The following ADAMTS2 variants were observed in gnomAD, a reference collection of about 807,000 sequenced individuals.
ADAMTS2 encodes A disintegrin and metalloproteinase with thrombospondin motifs 2.
Under a neutral mutation model 123.0 loss-of-function variants are expected in ADAMTS2, and 50 were observed. The ratio of observed to expected loss-of-function variants is 0.41; its 90% CI spans 0.32 to 0.51. The LOEUF (loss-of-function observed/expected upper bound fraction) is 0.51, where lower values mean the gene tolerates loss of function less well. Among genes scored for constraint, ADAMTS2 ranks in the 20% least tolerant of loss-of-function variants. The pLI is 0.35. For synonymous variants in ADAMTS2, 678 were observed against 695.4 expected, an observed-to-expected ratio of 0.98 and a Z score of 0.39; for missense variants, 1,494 against 1,705.2, an observed-to-expected ratio of 0.88 and a Z score of 2.18.
chr5:179,207,474 C>CCA, intron 4 of ADAMTS2, 39 bp downstream of exon 4: 21 of 927,304 alleles, frequency 2.3e-5, no homozygotes, highest in East Asian at 1.0e-4. Context: ...CTGGTTGACC[C>CCA]TCCCCGCCCC....
chr5:179,322,811 C>T (rs1330664144), intron 2 of ADAMTS2, among the ~76,000 whole-genome samples: 2 of 152,344 alleles, frequency 1.3e-5, no homozygotes, highest in Non-Finnish European at 1.5e-5. Context: ...CGGGGCCTGA[C>T]GGTACCAGGG....
In ADAMTS2 at chr5:179,127,946, G is replaced by C; in HGVS notation, c.2617+13C>G. 2 of 1,613,110 alleles carry C rather than the reference G, an allele frequency of 1.2e-6. No individual in the cohort carries two copies. Among genetic ancestry groups the C allele is most frequent in the Non-Finnish European group, 1.7e-6 (2 of 1,179,978 alleles). Reference sequence around the variant, plus strand: ...TCATGTCACCCAGGTCCCCAGCTTCGAGACCCCCTCACCTCCGCCACAGGG... The same window carrying C: ...TCATGTCACCCAGGTCCCCAGCTTCCAGACCCCCTCACCTCCGCCACAGGG... On this transcript the variant is annotated intron_variant, in intron 17 of 21. Coordinates refer to ENST00000251582, the MANE Select transcript of ADAMTS2 (RefSeq NM_014244.5).
At chr5:179,268,947 G>A (rs1166503714) in intron 3 of ADAMTS2, among the ~76,000 whole-genome samples, 2 of 152,254 alleles carry the variant, frequency 1.3e-5, no homozygotes, top group Non-Finnish European at 2.9e-5. Context: ...TGCAACCTGA[G>A]ACGGGTACCT....
chr5:179,261,680 C>T (rs182758317), intron 3 of ADAMTS2, among the ~76,000 whole-genome samples: 164 of 152,310 alleles, frequency 1.1e-3, no homozygotes, highest in African/African-American at 3.7e-3. Flanking sequence ...GCGCTGCCTG[C>T]GGCCCCTTGG....
At chr5:179,253,821 C>T (rs980603285) in intron 3 of ADAMTS2, among the ~76,000 whole-genome samples, 3 of 152,160 alleles carry the variant, frequency 2.0e-5, no homozygotes, top group Admixed American at 6.5e-5. Context: ...AGAGGTGACA[C>T]GCCATGTCCA....
intron 3 of ADAMTS2, among the ~76,000 whole-genome samples, chr5:179,229,894 C>T (rs571036602): frequency 4.6e-5 from 7 of 152,284 alleles, no homozygotes; most frequent in South Asian, 2.1e-4. Flanking sequence ...GTCAGCTGGC[C>T]GGACAGGCCT....
chr5:179,195,919 G>T (rs760738046), intron 4 of ADAMTS2, among the ~76,000 whole-genome samples: 13 of 152,192 alleles, frequency 8.5e-5, no homozygotes, highest in Non-Finnish European at 1.9e-4. Flanking sequence ...CAGTTTCAGA[G>T]ATGTTCTTCT....
Position 179,303,533 on chromosome 5 carries a change from G to A in ADAMTS2, c.535-30469C>T, listed in dbSNP as rs1018212224. Among the ~76,000 whole-genome samples the A allele has an allele frequency of 1.3e-5, 2 of 152,218 alleles. No homozygotes were observed. Among genetic ancestry groups the A allele is most frequent in the African/African-American group, 4.8e-5 (2 of 41,450 alleles). On this transcript the variant is annotated intron_variant, in intron 2 of 21. Transcript: ENST00000251582. The surrounding 1 kb of genome is among the most constrained non-coding windows in gnomAD (Gnocchi z 4.7). ...AAGGCAGGTCAAACTCCAGAAGCGG[G>A]CACTGGGTACAGACAGACAGAGCTC...
intron 10 of ADAMTS2, among the ~76,000 whole-genome samples, chr5:179,141,146 AC>A (rs1321704136): frequency 6.6e-6 from 1 of 152,028 alleles, no homozygotes; most frequent in East Asian, 1.9e-4. Context: ...TCTTTGTATG[AC>A]CTAATTTTGT....
chr5:179,329,121 A>C (rs944111718), intron 2 of ADAMTS2, among the ~76,000 whole-genome samples: 5 of 152,098 alleles, frequency 3.3e-5, no homozygotes, highest in African/African-American at 9.7e-5. Flanking sequence ...AGGTCAGGAG[A>C]TGGAGACCAT....
At chr5:179,283,751 CGTGG>C (rs1373713264) in intron 2 of ADAMTS2, among the ~76,000 whole-genome samples, 3 of 151,186 alleles carry the variant, frequency 2.0e-5, no homozygotes, top group East Asian at 3.9e-4. Flanking sequence ...ATTAGCCAGA[CGTGG>C]TGGTGCACAC....
intron 3 of ADAMTS2, among the ~76,000 whole-genome samples, chr5:179,237,893 G>C (rs1031328649): frequency 1.3e-5 from 2 of 152,180 alleles, no homozygotes; most frequent in African/African-American, 4.8e-5. Context: ...AAGCTGAAGA[G>C]TCCCAGGCAG....
rs60626964 is a variant in ADAMTS2, at chr5:179,326,201, CGTGTGT to C, written c.534+17560_534+17565del. ...GGTGGAGAAATGGCGTTTGTGTGTG[CGTGTGT>C]GTGTGTGTGTGTGTGTGTGTGTGTC... On this transcript the variant is annotated intron_variant, in intron 2 of 21. Transcript: ENST00000251582. Among the ~76,000 whole-genome samples, 214 of 148,672 alleles carry C rather than the reference CGTGTGT, an allele frequency of 1.4e-3. 1 individual carries two copies. Among genetic ancestry groups the C allele is most frequent in the East Asian group, 3.2e-3 (16 of 4,974 alleles).
In ADAMTS2 at chr5:179,128,322, T is replaced by TG. The variant is rs369008027; in HGVS notation, c.2458-205dup. ...ACAGGGTGAGGTTCCTGTGAGCCTCTGTCTCAACATTTTTGTTACCCGATC... is the reference window on the plus strand; with the variant it reads ...ACAGGGTGAGGTTCCTGTGAGCCTCTGGTCTCAACATTTTTGTTACCCGATC... On this transcript the variant is annotated intron_variant, in intron 16 of 21. Transcript: ENST00000251582. This position sits in a 1 kb window ranked among gnomAD's most constrained non-coding sequence, Gnocchi z 4.9. 4.2e-3 allele frequency among the ~76,000 whole-genome samples: 641 copies of TG among 152,336 alleles called. 2 individuals carry two copies. The highest frequency in any genetic ancestry group is 0.015 in the African/African-American group (610 of 41,580).
At chr5:179,261,570 T>C (rs1350640152) in intron 3 of ADAMTS2, among the ~76,000 whole-genome samples, 2 of 152,190 alleles carry the variant, frequency 1.3e-5, no homozygotes, top group African/African-American at 4.8e-5. Context: ...TGAGGTCAGC[T>C]CCCAGGATGT....
chr5:179,154,028 G>C (rs781655757), intron 8 of ADAMTS2, 21 bp downstream of exon 8: 3 of 1,590,610 alleles, frequency 1.9e-6, no homozygotes, highest in Non-Finnish European at 2.6e-6. Context: ...GTCGCCCACG[G>C]GGCACATGGG....
intron 1 of ADAMTS2, 144 bp from the exon 2 acceptor site, chr5:179,344,305 C>T: frequency 9.0e-7 from 1 of 1,116,768 alleles, no homozygotes; most frequent in Non-Finnish European, 1.3e-6. Context: ...AGCCAGCCTG[C>T]ACCTCCCCGG....
intron 3 of ADAMTS2, among the ~76,000 whole-genome samples, chr5:179,236,625 C>T (rs2113441571): frequency 6.6e-6 from 1 of 152,250 alleles, no homozygotes; most frequent in South Asian, 2.1e-4. Flanking sequence ...ACCCTGTCTC[C>T]ATACACATAA....
intron 3 of ADAMTS2, among the ~76,000 whole-genome samples, chr5:179,269,476 A>G (rs532154429): frequency 2.1e-4 from 32 of 152,298 alleles, no homozygotes; most frequent in South Asian, 4.1e-4. Flanking sequence ...GAGCTTGTGC[A>G]GGGCAACTCC....
Sources: gnomAD v4.1 joint callset for allele counts (sites outside exome capture counted in the v4.1 genomes callset) on GRCh38, gnomAD v4.1.1 for gene constraint, Gnocchi (gnomAD v3.1) non-coding constraint, MANE v1.5 for transcripts, NCBI Gene and HGNC (gene_info 2026-07-23, HGNC 2026-07-21) for gene names.